Variants in PGBD5 observed in about 807,000 individuals in gnomAD.
PGBD5 encodes piggyBac transposable element derived 5, also known as piggyBac transposable element-derived protein 5.
In PGBD5, 14 loss-of-function variants were observed where a neutral mutation model predicts 47.9. The ratio of observed to expected loss-of-function variants is 0.29; its 90% CI spans 0.19 to 0.46. PGBD5 has a LOEUF of 0.46. Among genes scored for constraint, PGBD5 ranks in the 20% least tolerant of loss-of-function variants. The probability of loss-of-function intolerance (pLI) is 1.00; values close to 1 mark genes in which losing one functional copy is unlikely to be tolerated. For missense variants in PGBD5, 635 were observed against 716.0 expected (o/e 0.89, Z 1.29); for synonymous variants, 316 against 306.3 (o/e 1.03, Z -0.33).
Position 230,314,967 on chromosome 1 carries a change from C to A in PGBD5, c.*8458G>T, listed in dbSNP as rs369214739. 14 of 152,016 alleles carry A rather than the reference C, an allele frequency of 9.2e-5. No homozygotes were observed. Among genetic ancestry groups the A allele is most frequent in the African/African-American group, 2.9e-4 (12 of 41,310 alleles). 9.4% of individuals were successfully genotyped at this position (152,016 alleles called of 1,614,324 possible). On this transcript the variant is annotated 3_prime_UTR_variant, in exon 7 of 7. Coordinates refer to ENST00000391860, the MANE Select transcript of PGBD5 (RefSeq NM_001258311.2). Reference sequence around the variant, plus strand: ...TCCTGAACTAGGGATGAGTGTGAATCTCCATTTGAGGAAGGGGAAGAAGAG... The same window carrying A: ...TCCTGAACTAGGGATGAGTGTGAATATCCATTTGAGGAAGGGGAAGAAGAG...
chr1:230,351,192 C>T, intron 2 of PGBD5, 100 bp from the exon 3 acceptor site: 1 of 1,334,692 alleles, frequency 7.5e-7, no homozygotes, highest in Non-Finnish European at 9.9e-7. Context: ...TTGAGCAGCT[C>T]TGTGACCTTA....
At chr1:230,338,296 G>A (rs771755150) in intron 3 of PGBD5, among the ~76,000 whole-genome samples, 14 of 152,330 alleles carry the variant, frequency 9.2e-5, no homozygotes, top group South Asian at 4.1e-4. Context: ...AGCAGGGCAC[G>A]GCTGGCTTTT....
intron 3 of PGBD5, among the ~76,000 whole-genome samples, chr1:230,340,259 G>A (rs1290223152): frequency 1.3e-5 from 2 of 152,186 alleles, no homozygotes; most frequent in African/African-American, 4.8e-5. Flanking sequence ...CCATTTCAGG[G>A]TTTTTTATAA....
chr1:230,415,149 T>C (rs952770850), intron 1 of PGBD5, among the ~76,000 whole-genome samples: 2 of 151,988 alleles, frequency 1.3e-5, no homozygotes, highest in East Asian at 3.9e-4. Context: ...CTATCTGTAG[T>C]CTCCGCTGAG....
intron 1 of PGBD5, among the ~76,000 whole-genome samples, chr1:230,376,520 C>A (rs1374173010): frequency 6.6e-6 from 1 of 152,182 alleles, no homozygotes; most frequent in Non-Finnish European, 1.5e-5. Context: ...GCATGAGATG[C>A]CTGAGGTCCT....
At chr1:230,415,695 C>T (rs1451622946) in intron 1 of PGBD5, among the ~76,000 whole-genome samples, 1 of 152,168 alleles carries the variant, frequency 6.6e-6, no homozygotes, top group Non-Finnish European at 1.5e-5. Context: ...AGAAACCAGG[C>T]AGCAGTCCCA....
At chr1:230,352,544 C>T (rs1000279178) in intron 2 of PGBD5, among the ~76,000 whole-genome samples, 6 of 152,042 alleles carry the variant, frequency 3.9e-5, no homozygotes, top group Admixed American at 6.6e-5. Context: ...ATTCAATTTT[C>T]GAAAAGTGAC....
intron 2 of PGBD5, among the ~76,000 whole-genome samples, chr1:230,355,553 G>A (rs113347398): frequency 0.01 from 1,596 of 152,298 alleles, 25 homozygotes; most frequent in African/African-American, 0.036. Context: ...ATGTGCTCAG[G>A]CCCGTCCTTG....
chr1:230,356,921 G>A lies in PGBD5; in HGVS notation c.732C>T (p.Asp244=). 6.2e-7 allele frequency: 1 copy of A among 1,614,050 alleles called. No homozygotes were observed. Among genetic ancestry groups the A allele is most frequent in the Non-Finnish European group, 8.5e-7 (1 of 1,179,932 alleles). Reference sequence around the variant, plus strand: ...GGGTTTGGGAAGGCCTGAAGGCAGAGTCGAAGCTGTTCTGCAGGGAGTCGA... The same window carrying A: ...GGGTTTGGGAAGGCCTGAAGGCAGAATCGAAGCTGTTCTGCAGGGAGTCGA... The part of the protein sequence containing the change: ...PFLDSLQNSF[D]SAFRPSQTQV... Residue 244 remains aspartate, a synonymous_variant, in exon 2 of 7, where the codon GAC becomes GAT. Transcript: ENST00000391860.
chr1:230,419,015 G>C (rs1657587310), intron 1 of PGBD5, among the ~76,000 whole-genome samples: 1 of 152,218 alleles, frequency 6.6e-6, no homozygotes, highest in African/African-American at 2.4e-5. Flanking sequence ...ATTTCTCAAA[G>C]AACTGAAAGT....
In PGBD5 at chr1:230,315,655, ACT is replaced by A. The variant is rs1233619884; in HGVS notation, c.*7768_*7769del. ...CTAGCAGAGGCTCATCATGTGGTAG[ACT>A]CTGTATTTTATCGTGTGTGTATGTG... On this transcript the variant is annotated 3_prime_UTR_variant, in exon 7 of 7. Transcript: ENST00000391860. 2.7e-5 allele frequency: 4 copies of A among 150,918 alleles called. No homozygotes were observed. The highest frequency in any genetic ancestry group is 5.9e-5 in the Non-Finnish European group (4 of 67,724). The allele number at this position is 150,918 out of a possible 1,614,324, so 9.3% of individuals were successfully genotyped here.
At chr1:230,327,216 ATT>A (rs752888686) in intron 5 of PGBD5, among the ~76,000 whole-genome samples, 3 of 147,634 alleles carry the variant, frequency 2.0e-5, no homozygotes, top group African/African-American at 7.4e-5. Context: ...ATTTTTCTGT[ATT>A]TTTTTTTTTA....
intron 1 of PGBD5, among the ~76,000 whole-genome samples, chr1:230,406,589 C>A (rs1657302152): frequency 6.6e-6 from 1 of 152,032 alleles, no homozygotes; most frequent in African/African-American, 2.4e-5. Context: ...CAAGACAGAA[C>A]AACAGAGTTT....
At chr1:230,341,797 A>G (rs553148109) in intron 3 of PGBD5, among the ~76,000 whole-genome samples, 2 of 152,320 alleles carry the variant, frequency 1.3e-5, no homozygotes, top group South Asian at 4.1e-4. Flanking sequence ...CTGAGCTACA[A>G]GACTGCTTGA....
intron 2 of PGBD5, among the ~76,000 whole-genome samples, chr1:230,354,271 G>A (rs1265055078): frequency 1.3e-5 from 2 of 152,182 alleles, no homozygotes; most frequent in African/African-American, 4.8e-5. Flanking sequence ...CTCTCCTGGA[G>A]CCACATGCCC....
intron 5 of PGBD5, among the ~76,000 whole-genome samples, chr1:230,328,804 A>G (rs1273828464): frequency 6.6e-6 from 1 of 152,196 alleles, no homozygotes; most frequent in Non-Finnish European, 1.5e-5. Flanking sequence ...CCTTCCCATT[A>G]GTCTTAGTGA....
At chr1:230,402,098 T>C (rs886941604) in intron 1 of PGBD5, among the ~76,000 whole-genome samples, 3 of 152,202 alleles carry the variant, frequency 2.0e-5, no homozygotes, top group Admixed American at 1.3e-4. Context: ...CCTTTCAGGC[T>C]CAGATTTTTC....
rs777888390 is a variant in PGBD5 at position 230,356,903 on chromosome 1, G to C, written c.750C>G (p.Ser250=). Residue 250 remains serine, a synonymous_variant, in exon 2 of 7, where the codon TCC becomes TCG. Transcript: ENST00000391860. ...QNSFDSAFRP[S]QTQVLHEPLI... ...CCTGCGTGGGCCTCACCTGGGTTTG[G>C]GAAGGCCTGAAGGCAGAGTCGAAGC... 3.0e-5 allele frequency: 48 copies of C among 1,612,702 alleles called. No homozygotes were observed. In the Middle Eastern group the frequency reaches 2.1e-3, roughly 72 times the overall value.
chr1:230,375,925 T>A (rs953548883), intron 1 of PGBD5, among the ~76,000 whole-genome samples: 1 of 150,484 alleles, frequency 6.6e-6, no homozygotes, highest in Non-Finnish European at 1.5e-5. Flanking sequence ...CCTTTGTTGG[T>A]TGTGTGCCCT....
Sources: allele counts gnomAD v4.1 joint callset (sites outside exome capture counted in the v4.1 genomes callset), GRCh38; gene constraint gnomAD v4.1.1; transcripts MANE v1.5; gene names NCBI Gene and HGNC (gene_info 2026-07-23, HGNC 2026-07-21).